The following COL25A1 variants were observed in gnomAD, a reference collection of about 807,000 sequenced individuals.
COL25A1 encodes collagen type XXV alpha 1 chain.
Under a neutral mutation model 128.4 loss-of-function variants are expected in COL25A1, and 103 were observed. That is an observed-to-expected ratio of 0.80 (90% CI 0.68 to 0.94). The LOEUF is 0.94. Ranked by LOEUF, COL25A1 falls within the 40% of genes least tolerant of loss-of-function variation. COL25A1 has a pLI of 0.00. For missense variants in COL25A1, 745 were observed against 840.0 expected, an observed-to-expected ratio of 0.89 and a Z score of 1.40; for synonymous variants, 279 against 277.2, an observed-to-expected ratio of 1.01 and a Z score of -0.06.
chr4:109,162,763 T>C (rs1159574685), intron 3 of COL25A1, among the ~76,000 whole-genome samples: 2 of 152,242 alleles, frequency 1.3e-5, no homozygotes, highest in Admixed American at 6.5e-5. Flanking sequence ...TGAGAGGCAC[T>C]GTCTGACAGA....
At chr4:109,209,881 C>T (rs1777354788) in intron 3 of COL25A1, among the ~76,000 whole-genome samples, 2 of 151,806 alleles carry the variant, frequency 1.3e-5, no homozygotes, top group Admixed American at 1.3e-4. Flanking sequence ...GGTGAAAACC[C>T]ATCAACTAAA....
chr4:109,037,871 A>T lies in COL25A1; in HGVS notation c.420+10297T>A, dbSNP rs529903979. 5.9e-5 allele frequency among the ~76,000 whole-genome samples: 9 copies of T among 152,302 alleles called. No homozygotes were observed. The East Asian group carries it at 1.7e-3, about 29-fold the overall frequency. On this transcript the variant is annotated intron_variant, in intron 5 of 37. Transcript: ENST00000399132. ...TGACTTACTTTCAATTAAATGTATT[A>T]TATTATTATTAGCCAGGAAAGCTTA...
chr4:108,817,368 C>T, intron 37 of COL25A1, 29 bp downstream of exon 37: 1 of 1,610,414 alleles, frequency 6.2e-7, no homozygotes, highest in Non-Finnish European at 8.5e-7. Flanking sequence ...GAGAGTGCTT[C>T]TTTTGAGAAA....
At chr4:109,086,977 AAGGGTCAACAGAC>A (rs1432192861) in intron 3 of COL25A1, among the ~76,000 whole-genome samples, 1 of 152,178 alleles carries the variant, frequency 6.6e-6, no homozygotes, top group Admixed American at 6.5e-5. Flanking sequence ...GAGACAAGAA[AAGGGTCAACAGAC>A]AGTGAACAAT....
intron 11 of COL25A1, among the ~76,000 whole-genome samples, chr4:108,935,107 G>A (rs1281068301): frequency 6.6e-6 from 1 of 152,140 alleles, no homozygotes; most frequent in South Asian, 2.1e-4. Flanking sequence ...TTTTAACGGG[G>A]TAGTCAAGGA....
chr4:108,999,715 A>C (rs4956234), intron 6 of COL25A1, among the ~76,000 whole-genome samples: 121,040 of 152,186 alleles, frequency 0.8, 49,319 homozygotes, highest in East Asian at 1. Flanking sequence ...TGGACCCAAC[A>C]CAAATGTCCA....
chr4:109,264,093 A>C (rs545998693), intron 3 of COL25A1, among the ~76,000 whole-genome samples: 9 of 152,258 alleles, frequency 5.9e-5, no homozygotes, highest in Middle Eastern at 3.2e-3. Flanking sequence ...TTTCTGTGAA[A>C]GCATATAAGC....
intron 23 of COL25A1, 70 bp downstream of exon 23, chr4:108,860,857 C>T: frequency 8.2e-7 from 1 of 1,225,390 alleles, no homozygotes; most frequent in South Asian, 1.2e-5. Context: ...ATATGAATAG[C>T]CATGCAGACA....
chr4:109,183,613 G>A (rs1578380210), intron 3 of COL25A1, among the ~76,000 whole-genome samples: 2 of 152,172 alleles, frequency 1.3e-5, no homozygotes, highest in South Asian at 2.1e-4. Flanking sequence ...GAACTATAAC[G>A]AGGTATTTCA....
At chr4:108,856,208 T>C (rs1180930577) in intron 24 of COL25A1, among the ~76,000 whole-genome samples, 2 of 152,184 alleles carry the variant, frequency 1.3e-5, no homozygotes, top group African/African-American at 2.4e-5. Flanking sequence ...TTAGTTTAGA[T>C]GGCGATGAGA....
intron 3 of COL25A1, among the ~76,000 whole-genome samples, chr4:109,249,151 T>G (rs544784846): frequency 1.3e-5 from 2 of 152,250 alleles, no homozygotes; most frequent in South Asian, 4.1e-4. Context: ...TCTAGGAAGG[T>G]TTCTCTGAGG....
intron 3 of COL25A1, among the ~76,000 whole-genome samples, chr4:109,230,303 C>T (rs142928844): frequency 1.3e-5 from 2 of 152,178 alleles, no homozygotes; most frequent in Non-Finnish European, 2.9e-5. Flanking sequence ...TAAAGTCATA[C>T]CATCAACGGG....
chr4:109,245,468 C>T (rs1780196446), intron 3 of COL25A1, among the ~76,000 whole-genome samples: 1 of 152,142 alleles, frequency 6.6e-6, no homozygotes, highest in African/African-American at 2.4e-5. Context: ...ATGTGTGGAG[C>T]ATGGTGATGA....
At chr4:108,847,348 A>T (rs1401541998) in intron 27 of COL25A1, among the ~76,000 whole-genome samples, 1 of 152,110 alleles carries the variant, frequency 6.6e-6, no homozygotes, top group East Asian at 1.9e-4. Context: ...GGCTGCACAA[A>T]CCTGTTTATC....
At chr4:108,827,085 G>C in intron 33 of COL25A1, 50 bp downstream of exon 33, 1 of 1,527,432 alleles carries the variant, frequency 6.5e-7, no homozygotes, top group Non-Finnish European at 9.1e-7. Context: ...TCAGTGACTG[G>C]TCATCTATGC....
intron 18 of COL25A1, among the ~76,000 whole-genome samples, chr4:108,884,469 G>A (rs949128942): frequency 3.9e-5 from 6 of 152,080 alleles, no homozygotes; most frequent in East Asian, 1.9e-4. Flanking sequence ...TGGTATCTCC[G>A]TCAGATGGCG....
At chr4:108,966,178 A>G (rs1017738866) in intron 8 of COL25A1, among the ~76,000 whole-genome samples, 4 of 152,130 alleles carry the variant, frequency 2.6e-5, no homozygotes, top group African/African-American at 9.7e-5. Context: ...AGTGACATAC[A>G]GTTTCTAGGG....
intron 6 of COL25A1, among the ~76,000 whole-genome samples, chr4:109,006,698 A>G (rs745386617): frequency 1.3e-5 from 2 of 152,190 alleles, no homozygotes; most frequent in Non-Finnish European, 2.9e-5. Context: ...TATAAAATAC[A>G]AAAACTCTGC....
In COL25A1 at chr4:109,248,810, T is replaced by C. The variant is rs75525989; in HGVS notation, c.367+51773A>G. ...GACAAAGCATGATGGTTAATGTTGA[T>C]GGAAAGATGAATGTAAGGAAACTGC... On this transcript the variant is annotated intron_variant, in intron 3 of 37. Transcript: ENST00000399132. 7.8e-3 allele frequency among the ~76,000 whole-genome samples: 1,193 copies of C among 152,178 alleles called. 61 individuals are homozygous for C. In the South Asian group the frequency reaches 0.14, roughly 18 times the overall value.
Sources: gnomAD v4.1 joint callset for allele counts (sites outside exome capture counted in the v4.1 genomes callset) on GRCh38, gnomAD v4.1.1 for gene constraint, MANE v1.5 for transcripts, NCBI Gene and HGNC (gene_info 2026-07-23, HGNC 2026-07-21) for gene names.